The following TMEM232 variants were observed in gnomAD, a reference collection of about 807,000 sequenced individuals.
TMEM232 encodes the protein transmembrane protein 232.
Under a neutral mutation model 78.8 loss-of-function variants are expected in TMEM232, and 80 were observed. The observed-to-expected ratio is 1.01, with a 90% confidence interval of 0.85 to 1.22. The LOEUF is 1.22. Among genes scored for constraint, TMEM232 ranks in the 50% most tolerant of loss-of-function variants. The pLI, the probability that TMEM232 is intolerant of heterozygous loss-of-function variation, is 0.00. For synonymous variants in TMEM232, 297 were observed against 254.3 expected, an observed-to-expected ratio of 1.17 and a Z score of -1.60; for missense variants, 881 against 742.2, an observed-to-expected ratio of 1.19 and a Z score of -2.17.
intron 1 of TMEM232, chr5:110,720,841 A>T (rs1231891474): frequency 6.6e-6 from 1 of 152,146 alleles, no homozygotes; most frequent in East Asian, 1.9e-4. Context: ...TCAACTGTTG[A>T]TGCACTGTCA....
chr5:110,532,752 C>T (rs1347268362), intron 11 of TMEM232, among the ~76,000 whole-genome samples: 26 of 151,998 alleles, frequency 1.7e-4, no homozygotes, highest in Non-Finnish European at 2.9e-4. Context: ...ATAACTCTAC[C>T]CCGTCCTTGG....
intron 11 of TMEM232, among the ~76,000 whole-genome samples, chr5:110,567,409 A>T (rs1776464038): frequency 6.6e-6 from 1 of 151,750 alleles, no homozygotes; most frequent in Non-Finnish European, 1.5e-5. Flanking sequence ...ACCTATATTT[A>T]TTGAGCACTT....
chr5:110,455,717 G>A (rs928939615), intron 12 of TMEM232, among the ~76,000 whole-genome samples: 4 of 152,038 alleles, frequency 2.6e-5, no homozygotes, highest in South Asian at 4.1e-4. Flanking sequence ...AGAGCAAATC[G>A]AATCTACTAA....
At chr5:110,680,358 C>T (rs113804648) in intron 1 of TMEM232, among the ~76,000 whole-genome samples, 4,211 of 140,036 alleles carry the variant, frequency 0.03, 208 homozygotes, top group African/African-American at 0.11. Context: ...TGCTGTGCCA[C>T]TGCACTCCAG....
chr5:110,593,503 ACT>A (rs1242189182), intron 10 of TMEM232, among the ~76,000 whole-genome samples: 1 of 151,968 alleles, frequency 6.6e-6, no homozygotes, highest in Non-Finnish European at 1.5e-5. Context: ...AAATTATGAG[ACT>A]CTGTCTTCTG....
intron 4 of TMEM232, 108 bp from the exon 5 acceptor site, chr5:110,638,463 G>C (rs1786205147): frequency 9.3e-7 from 1 of 1,074,466 alleles, no homozygotes; most frequent in Non-Finnish European, 1.3e-6. Context: ...CCAAATTGCA[G>C]TTTTAAAATA....
chr5:110,689,494 C>T (rs1322127925), intron 1 of TMEM232, among the ~76,000 whole-genome samples: 1 of 152,008 alleles, frequency 6.6e-6, no homozygotes, highest in African/African-American at 2.4e-5. Flanking sequence ...AAAGTGTTTA[C>T]AGGTGCTTTA....
chr5:110,560,043 C>T (rs1169122491), intron 11 of TMEM232, among the ~76,000 whole-genome samples: 1 of 152,120 alleles, frequency 6.6e-6, no homozygotes, highest in Non-Finnish European at 1.5e-5. Context: ...TAACTAATTA[C>T]AACTACAATG....
chr5:110,543,676 G>T (rs1033043418), intron 11 of TMEM232, among the ~76,000 whole-genome samples: 6 of 152,106 alleles, frequency 3.9e-5, no homozygotes, highest in African/African-American at 1.4e-4. Flanking sequence ...TAGACAGTGA[G>T]AAGGTCAACA....
chr5:110,705,385 T>C (rs28628041), intron 1 of TMEM232, among the ~76,000 whole-genome samples: 1,844 of 152,080 alleles, frequency 0.012, 46 homozygotes, highest in African/African-American at 0.042. Flanking sequence ...CCAATCTAAA[T>C]AGAAGGAATA....
At chr5:110,640,866 C>G (rs183952882) in intron 4 of TMEM232, 25 bp downstream of exon 4, 2 of 1,439,984 alleles carry the variant, frequency 1.4e-6, no homozygotes, top group Non-Finnish European at 1.9e-6. Context: ...ACTTAGGATG[C>G]CTAATAAGAA....
intron 10 of TMEM232, among the ~76,000 whole-genome samples, chr5:110,587,689 ATATGTGTGTGTGTGTGTGTG>A (rs1427491909): frequency 4.7e-4 from 25 of 53,248 alleles, no homozygotes; most frequent in African/African-American, 1.8e-3. Flanking sequence ...ATATATATAT[ATATGTGTGTGTGTGTGTGTG>A]TGTGTGTGTG....
At chr5:110,597,550 C>T (rs1486205510) in intron 10 of TMEM232, among the ~76,000 whole-genome samples, 20 of 151,646 alleles carry the variant, frequency 1.3e-4, no homozygotes, top group African/African-American at 3.1e-4. Flanking sequence ...GAGCCCGCAT[C>T]GCCAAGTCAA....
intron 12 of TMEM232, among the ~76,000 whole-genome samples, chr5:110,515,257 T>C (rs990590818): frequency 6.6e-6 from 1 of 152,214 alleles, no homozygotes; most frequent in African/African-American, 2.4e-5. Flanking sequence ...TTGGATTGTC[T>C]GGCAAAATGC....
At chr5:110,535,044 C>A (rs1327958870) in intron 11 of TMEM232, among the ~76,000 whole-genome samples, 1 of 152,044 alleles carries the variant, frequency 6.6e-6, no homozygotes, top group African/African-American at 2.4e-5. Context: ...CTCCATACCA[C>A]CCCCCAAAAA....
At chr5:110,435,229 T>A (rs1456569548) in intron 12 of TMEM232, among the ~76,000 whole-genome samples, 1 of 151,892 alleles carries the variant, frequency 6.6e-6, no homozygotes, top group East Asian at 1.9e-4. Flanking sequence ...CAGGAAAGTC[T>A]CAGGATATAA....
intron 10 of TMEM232, among the ~76,000 whole-genome samples, chr5:110,598,133 C>T (rs1580306743): frequency 1.3e-5 from 2 of 152,190 alleles, no homozygotes. Flanking sequence ...GGGCTAATAT[C>T]CACAATCTAC....
chr5:110,606,328 A>AAAT lies in TMEM232; in HGVS notation c.903-44_903-42dup, dbSNP rs899525445. ...ACGAAAGGATAAAGATTTTAATGGA[A>AAAT]AATAATAATAATAATCAACTTTTAA... On this transcript the variant is annotated intron_variant, in intron 8 of 13. Coordinates refer to ENST00000455884, the MANE Select transcript of TMEM232 (RefSeq NM_001039763.4). 2.8e-6 allele frequency: 4 copies of AAAT among 1,452,736 alleles called. No homozygotes were observed. In the Admixed American group the frequency reaches 7.0e-5, roughly 25 times the overall value. 90.0% of individuals were successfully genotyped at this position (1,452,736 alleles called of 1,614,324 possible). A position where few individuals can be genotyped will look rare whatever the true frequency, so the allele number is the denominator to read the frequency against.
intron 2 of TMEM232, among the ~76,000 whole-genome samples, chr5:110,656,485 C>T (rs943172812): frequency 6.6e-6 from 1 of 152,076 alleles, no homozygotes; most frequent in African/African-American, 2.4e-5. Context: ...TCAAAGAATA[C>T]ATTAAAGATA....
Sources: gnomAD v4.1 joint callset for allele counts (sites outside exome capture counted in the v4.1 genomes callset) on GRCh38, gnomAD v4.1.1 for gene constraint, MANE v1.5 for transcripts, NCBI Gene and HGNC (gene_info 2026-07-23, HGNC 2026-07-21) for gene names.